PMFBP1: variants seen among roughly 807,000 people sequenced by gnomAD.
The protein encoded by PMFBP1 is polyamine-modulated factor 1-binding protein 1.
Under a neutral mutation model 137.8 loss-of-function variants are expected in PMFBP1, and 131 were observed. The observed-to-expected ratio is 0.95, with a 90% CI of 0.82 to 1.10. PMFBP1 has a LOEUF of 1.10. PMFBP1 is among the 50% of genes least tolerant of loss of function. The pLI is 0.00. For missense variants in PMFBP1, 1,199 were observed against 1,175.4 expected, an observed-to-expected ratio of 1.02 and a Z score of -0.29; for synonymous variants, 490 against 450.4, an observed-to-expected ratio of 1.09 and a Z score of -1.11.
chr16:72,190,692 G>C, the PMFBP1 span, among the ~76,000 whole-genome samples: 1 of 152,086 alleles, frequency 6.6e-6, no homozygotes, highest in South Asian at 2.1e-4. Context: ...GTGGGGTTGG[G>C]GAGGCAGACC....
chr16:72,247,928 A>G, the PMFBP1 span, among the ~76,000 whole-genome samples: 1 of 152,212 alleles, frequency 6.6e-6, no homozygotes, highest in Non-Finnish European at 1.5e-5. Context: ...AATATTAGTT[A>G]GAAATTTGGT....
At chr16:72,187,214 T>C in the PMFBP1 span, among the ~76,000 whole-genome samples, 1 of 152,214 alleles carries the variant, frequency 6.6e-6, no homozygotes, top group Non-Finnish European at 1.5e-5. Flanking sequence ...GTGGATGCGA[T>C]TTAAAATAAT....
At chr16:72,225,302 T>C in the PMFBP1 span, among the ~76,000 whole-genome samples, 7 of 152,294 alleles carry the variant, frequency 4.6e-5, no homozygotes, top group East Asian at 1.4e-3. Context: ...ATGCTGGTCA[T>C]GCACAAGATG....
At chr16:72,150,875 A>G (rs1383460427) in intron 4 of PMFBP1, 46 bp from the exon 5 acceptor site, 1 of 1,530,788 alleles carries the variant, frequency 6.5e-7, no homozygotes, top group Non-Finnish European at 9.0e-7. Context: ...GGAAGCACGT[A>G]ATGAGGAAAG....
chr16:72,122,641 A>G (rs186370617), intron 19 of PMFBP1, among the ~76,000 whole-genome samples: 1 of 152,340 alleles, frequency 6.6e-6, no homozygotes, highest in Admixed American at 6.5e-5. Flanking sequence ...TTCCCTGCTT[A>G]GCACCCTTGA....
At chr16:72,148,510 A>C (rs2042849951) in intron 5 of PMFBP1, among the ~76,000 whole-genome samples, 2 of 152,212 alleles carry the variant, frequency 1.3e-5, no homozygotes, top group Non-Finnish European at 2.9e-5. Context: ...CCCAGAACTT[A>C]AAGTAGAATA....
intron 7 of PMFBP1, among the ~76,000 whole-genome samples, chr16:72,137,257 G>A (rs930438841): frequency 6.6e-6 from 1 of 152,188 alleles, no homozygotes; most frequent in African/African-American, 2.4e-5. Context: ...ACTGTCCTGG[G>A]TGCTGGGCAT....
the PMFBP1 span, among the ~76,000 whole-genome samples, chr16:72,195,182 C>G: frequency 2.0e-5 from 3 of 152,194 alleles, no homozygotes; most frequent in African/African-American, 7.2e-5. Context: ...AGCGATGGCA[C>G]CAGGGCCCAC....
At chr16:72,232,367 G>T in the PMFBP1 span, among the ~76,000 whole-genome samples, 2 of 152,116 alleles carry the variant, frequency 1.3e-5, no homozygotes, top group Non-Finnish European at 2.9e-5. Flanking sequence ...TCTCTCTCTG[G>T]AAAAGACATG....
At chr16:72,221,838 G>C in the PMFBP1 span, among the ~76,000 whole-genome samples, 1 of 152,122 alleles carries the variant, frequency 6.6e-6, no homozygotes, top group Admixed American at 6.5e-5. Context: ...TGAATCACTC[G>C]AAAGAGTTAC....
At chr16:72,123,740 GA>G (rs2042411878) in intron 17 of PMFBP1, 91 bp from the exon 18 acceptor site, 1 of 1,203,290 alleles carries the variant, frequency 8.3e-7, no homozygotes, top group Non-Finnish European at 1.2e-6. Flanking sequence ...ATCTCCCTGG[GA>G]AAAGAAAACT....
chr16:72,187,904 C>G, the PMFBP1 span, among the ~76,000 whole-genome samples: 1 of 152,182 alleles, frequency 6.6e-6, no homozygotes, highest in Non-Finnish European at 1.5e-5. Context: ...TATCGAGAAA[C>G]CTGCCTCACC....
chr16:72,213,945 A>T, the PMFBP1 span, among the ~76,000 whole-genome samples: 2 of 152,186 alleles, frequency 1.3e-5, no homozygotes, highest in Non-Finnish European at 2.9e-5. Context: ...TCCTGTTGTA[A>T]ATATTGAATA....
the PMFBP1 span, among the ~76,000 whole-genome samples, chr16:72,192,011 G>A: frequency 6.6e-6 from 1 of 152,204 alleles, no homozygotes; most frequent in African/African-American, 2.4e-5. Flanking sequence ...GCGTGTGTGT[G>A]ATCCCCTGCG....
the PMFBP1 span, among the ~76,000 whole-genome samples, chr16:72,209,431 T>C: frequency 7.2e-5 from 11 of 152,200 alleles, no homozygotes; most frequent in East Asian, 1.9e-3. Context: ...TTATCATATA[T>C]AGTTATCTAT....
the PMFBP1 span, among the ~76,000 whole-genome samples, chr16:72,225,658 A>G: frequency 2.0e-5 from 3 of 150,966 alleles, no homozygotes; most frequent in South Asian, 4.2e-4. Context: ...GGTTACAGTG[A>G]GCTATGATCA....
At chr16:72,142,009 GAAA>G (rs5817801) in intron 5 of PMFBP1, among the ~76,000 whole-genome samples, 15 of 135,588 alleles carry the variant, frequency 1.1e-4, no homozygotes, top group Admixed American at 2.3e-4. Flanking sequence ...TATACATCGT[GAAA>G]AAAAAAAAAA....
chr16:72,198,247 A>G, the PMFBP1 span, among the ~76,000 whole-genome samples: 1 of 152,180 alleles, frequency 6.6e-6, no homozygotes, highest in Non-Finnish European at 1.5e-5. Flanking sequence ...ATACTAACAC[A>G]TCATAGAGTG....
intron 11 of PMFBP1, 57 bp downstream of exon 11, chr16:72,130,476 C>A (rs2042532854): frequency 1.2e-6 from 2 of 1,608,132 alleles, no homozygotes; most frequent in Admixed American, 1.7e-5. Flanking sequence ...CACAGAGGGC[C>A]CGGCTGGGTC....
Sources: allele counts gnomAD v4.1 joint callset (sites outside exome capture counted in the v4.1 genomes callset), GRCh38; gene constraint gnomAD v4.1.1; transcripts MANE v1.5; gene names NCBI Gene and HGNC (gene_info 2026-07-23, HGNC 2026-07-21).